Variants in GOLM2 observed in about 807,000 individuals in gnomAD.
The protein encoded by GOLM2 is protein GOLM2.
GOLM2 carries 26 observed loss-of-function variants against 55.9 expected under a neutral mutation model. The observed-to-expected ratio is 0.47, with a 90% CI of 0.34 to 0.65. GOLM2 has a LOEUF of 0.65. Among genes scored for constraint, GOLM2 ranks in the 30% least tolerant of loss-of-function variants. GOLM2 has a pLI of 0.01. For synonymous variants in GOLM2, 165 were observed against 194.6 expected (o/e 0.85, Z 1.27); for missense variants, 486 against 531.8 (o/e 0.91, Z 0.85).
At position 44,330,208 on chromosome 15, in the gene GOLM2, T is replaced by TAAAA. The variant is rs746756627; in HGVS notation, c.485+1441_485+1444dup. Among the ~76,000 whole-genome samples the TAAAA allele has an allele frequency of 5.0e-3, 407 of 81,478 alleles. 5 individuals are homozygous for TAAAA. The highest frequency in any genetic ancestry group is 0.02 in the African/African-American group (379 of 18,628). The allele number at this position is 81,478 out of a possible 152,430, so 53.5% of individuals were successfully genotyped here. On this transcript the variant is annotated intron_variant, in intron 3 of 9. Transcript: ENST00000299957. ...TACAGGTGTGAAGAACTTGTCTCTT[T>TAAAA]AAAAAAAAAAAAAAAAAAAAAAAGC...
At chr15:44,352,900 C>T (rs986761299) in intron 6 of GOLM2, among the ~76,000 whole-genome samples, 2 of 148,250 alleles carry the variant, frequency 1.3e-5, no homozygotes, top group Admixed American at 1.3e-4. Flanking sequence ...GAGCAAAACT[C>T]CATCTCAAAA....
Position 44,352,915 on chromosome 15 carries a change from A to AG in GOLM2, c.802+14598_802+14599insG, listed in dbSNP as rs1555423870. The stretch of plus-strand genomic sequence containing the variant: ...GAGCAAAACTCCATCTCAAAAAAAA[A>AG]AAAAGAAAAGAAAAGAAAAGTGAAG... On this transcript the variant is annotated intron_variant, in intron 6 of 9. Coordinates refer to ENST00000299957, the MANE Select transcript of GOLM2 (RefSeq NM_138423.4). Among the ~76,000 whole-genome samples, 1,447 of 151,950 alleles carry AG rather than the reference A, an allele frequency of 9.5e-3. 20 individuals carry two copies. The highest frequency in any genetic ancestry group is 0.032 in the African/African-American group (1,328 of 41,410).
intron 1 of GOLM2, among the ~76,000 whole-genome samples, chr15:44,301,916 A>C (rs2078800536): frequency 6.6e-6 from 1 of 151,564 alleles, no homozygotes; most frequent in South Asian, 2.1e-4. Context: ...CTCTCTCAAA[A>C]AAAAAAAAAA....
chr15:44,318,279 C>T (rs1173944020), intron 1 of GOLM2, among the ~76,000 whole-genome samples: 1 of 152,236 alleles, frequency 6.6e-6, no homozygotes, highest in Non-Finnish European at 1.5e-5. Flanking sequence ...AACAGGCTCA[C>T]AGGCCATAGT....
Position 44,291,600 on chromosome 15 carries a change from C to T in GOLM2, c.327+2244C>T, listed in dbSNP as rs143008312. Among the ~76,000 whole-genome samples the T allele has an allele frequency of 2.5e-3, 386 of 152,316 alleles. 3 individuals are homozygous for T. Among genetic ancestry groups the T allele is most frequent in the Admixed American group, 0.012 (181 of 15,298 alleles). On this transcript the variant is annotated intron_variant, in intron 1 of 9. Coordinates refer to ENST00000299957, the MANE Select transcript of GOLM2 (RefSeq NM_138423.4). ...TTTTTATTCTTACTGTATTTGACCT[C>T]CCAGTAGTTTGATCCTGTTGATTGT...
At chr15:44,393,986 C>T (rs2079508427) in intron 8 of GOLM2, among the ~76,000 whole-genome samples, 1 of 152,184 alleles carries the variant, frequency 6.6e-6, no homozygotes, top group Non-Finnish European at 1.5e-5. Context: ...AGCCACCGTG[C>T]CCGACCTACT....
chr15:44,351,609 C>CAAAT (rs143381193), intron 6 of GOLM2, among the ~76,000 whole-genome samples: 5,031 of 120,286 alleles, frequency 0.042, 269 homozygotes, highest in African/African-American at 0.13. Flanking sequence ...CACAGACAAA[C>CAAAT]AAAGAACATC....
chr15:44,413,576 T>C lies in GOLM2; in HGVS notation c.*170T>C. 3.9e-6 allele frequency: 2 copies of C among 507,108 alleles called. No individual in the cohort carries two copies. Among genetic ancestry groups the C allele is most frequent in the Non-Finnish European group, 7.1e-6 (2 of 282,728 alleles). 31.4% of individuals were successfully genotyped at this position (507,108 alleles called of 1,614,324 possible). ...AATGTACCCATGTACATATGTGAAC[T>C]TTTTCATATTGTATTATCAAGGTAT... On this transcript the variant is annotated 3_prime_UTR_variant, in exon 10 of 10. Transcript: ENST00000299957.
chr15:44,317,167 G>A, intron 1 of GOLM2, among the ~76,000 whole-genome samples: 1 of 151,972 alleles, frequency 6.6e-6, no homozygotes, highest in East Asian at 1.9e-4. Flanking sequence ...ACCTGGCATA[G>A]CATCATAAAA....
intron 6 of GOLM2, among the ~76,000 whole-genome samples, chr15:44,359,789 G>A (rs1342329209): frequency 6.6e-6 from 1 of 152,128 alleles, no homozygotes; most frequent in Admixed American, 6.5e-5. Context: ...AAAATATTAA[G>A]GGCAGCCAGA....
chr15:44,385,799 C>G (rs1239956010), intron 8 of GOLM2, among the ~76,000 whole-genome samples: 2 of 152,182 alleles, frequency 1.3e-5, no homozygotes, highest in African/African-American at 4.8e-5. Context: ...CTCAAACAAT[C>G]CTCCCATCTT....
chr15:44,386,563 G>T (rs2079445366), intron 8 of GOLM2, among the ~76,000 whole-genome samples: 1 of 152,082 alleles, frequency 6.6e-6, no homozygotes, highest in African/African-American at 2.4e-5. Flanking sequence ...CTACTAAAAA[G>T]GCAGCGATAT....
intron 6 of GOLM2, among the ~76,000 whole-genome samples, chr15:44,341,293 G>A (rs2079089064): frequency 6.6e-6 from 1 of 151,832 alleles, no homozygotes; most frequent in South Asian, 2.1e-4. Flanking sequence ...TGTTAGCCAG[G>A]ATGGTCTCGA....
intron 4 of GOLM2, among the ~76,000 whole-genome samples, chr15:44,334,696 A>G (rs747518309): frequency 3.3e-5 from 5 of 152,190 alleles, no homozygotes; most frequent in Non-Finnish European, 5.9e-5. Context: ...GGGCAGAGAA[A>G]CTCTCATAGC....
chr15:44,393,111 AC>A (rs1443044970), intron 8 of GOLM2, among the ~76,000 whole-genome samples: 5 of 152,218 alleles, frequency 3.3e-5, no homozygotes, highest in African/African-American at 1.2e-4. Context: ...TTATTTGTAG[AC>A]AATATGATTT....
chr15:44,393,300 A>G (rs1322956032), intron 8 of GOLM2, among the ~76,000 whole-genome samples: 1 of 152,198 alleles, frequency 6.6e-6, no homozygotes, highest in Non-Finnish European at 1.5e-5. Context: ...GTTCTTACAA[A>G]GATTTACAAG....
chr15:44,328,753 A>G lies in GOLM2; in HGVS notation c.451A>G (p.Asn151Asp). 2 of 1,611,694 alleles carry G rather than the reference A, an allele frequency of 1.2e-6. No individual in the cohort carries two copies. Among genetic ancestry groups the G allele is most frequent in the Non-Finnish European group, 1.7e-6 (2 of 1,179,192 alleles). ...EDQLQDYRKN[N>D]TYLVKRLEYE... ...CCAGCTTCAGGACTATAGGAAGAAC[A>G]ATACTTACCTTGTGAAGAGGTTAGA... The change falls in exon 3 of 10, where the codon AAT becomes GAT. Residue 151 changes from asparagine (N) to aspartate (D), a missense_variant. By Grantham distance (23) the Asn-to-Asp change is conservative. Coordinates refer to ENST00000299957, the MANE Select transcript of GOLM2 (RefSeq NM_138423.4).
rs373814724 is a variant in GOLM2 at position 44,330,548 on chromosome 15, A to G, written c.486-1440A>G. On this transcript the variant is annotated intron_variant, in intron 3 of 9. Transcript: ENST00000299957. ...AAAAAAAAAAAAGACTATCACAGCT[A>G]TAAAAATGTCTATGCAAAAAAGATT... Among the ~76,000 whole-genome samples the G allele has an allele frequency of 4.0e-4, 61 of 150,860 alleles. 1 individual carries two copies. The East Asian group carries it at 0.011, about 28-fold the overall frequency.
chr15:44,374,520 A>T (rs896472603), intron 6 of GOLM2, among the ~76,000 whole-genome samples: 7 of 152,102 alleles, frequency 4.6e-5, no homozygotes, highest in African/African-American at 1.4e-4. Context: ...AAAAAAAATT[A>T]CCAGAGACTG....
Sources: allele counts gnomAD v4.1 joint callset (sites outside exome capture counted in the v4.1 genomes callset), GRCh38; gene constraint gnomAD v4.1.1; transcripts MANE v1.5; gene names NCBI Gene and HGNC (gene_info 2026-07-23, HGNC 2026-07-21).